The following ATRNL1 variants were observed in gnomAD, a reference collection of about 807,000 sequenced individuals.
The protein encoded by ATRNL1 is attractin like 1, also known as attractin-like protein 1.
In ATRNL1, 95 loss-of-function variants were observed where a neutral mutation model predicts 182.7. That is an observed-to-expected ratio of 0.52 (90% confidence interval 0.44 to 0.62). The LOEUF (loss-of-function observed/expected upper bound fraction) is 0.62. ATRNL1 is among the 20% of genes least tolerant of loss of function. The pLI, the probability that ATRNL1 is intolerant of heterozygous loss-of-function variation, is 0.00. For missense variants in ATRNL1, 1,471 were observed against 1,679.5 expected (o/e 0.88, Z 2.17); for synonymous variants, 576 against 568.3 (o/e 1.01, Z -0.19).
chr10:115,715,194 A>G (rs1375805287), intron 26 of ATRNL1, among the ~76,000 whole-genome samples: 2 of 152,240 alleles, frequency 1.3e-5, no homozygotes, highest in Non-Finnish European at 2.9e-5. Flanking sequence ...TTAGAATTCA[A>G]TAACATATGG....
In ATRNL1 at chr10:115,524,167, C is replaced by G. The variant is rs148285731; in HGVS notation, c.3716+4843C>G. On this transcript the variant is annotated intron_variant, in intron 25 of 28. Coordinates refer to ENST00000355044, the MANE Select transcript of ATRNL1 (RefSeq NM_207303.4). Reference sequence around the variant, plus strand: ...GGGAACATGAGACACAACGATGGCACAAATCCATTTATGATGGATCTACCC... The same window carrying G: ...GGGAACATGAGACACAACGATGGCAGAAATCCATTTATGATGGATCTACCC... Among the ~76,000 whole-genome samples, 753 of 152,244 alleles carry G rather than the reference C, an allele frequency of 4.9e-3. 7 individuals are homozygous for G. The highest frequency in any genetic ancestry group is 0.017 in the African/African-American group (715 of 41,552).
At chr10:115,326,668 A>G (rs1347658419) in intron 18 of ATRNL1, among the ~76,000 whole-genome samples, 4 of 151,818 alleles carry the variant, frequency 2.6e-5, no homozygotes, top group African/African-American at 4.8e-5. Flanking sequence ...GCATCACACT[A>G]CCTGACTTCA....
chr10:115,394,770 T>C lies in ATRNL1; in HGVS notation c.3269+18T>C, dbSNP rs1554955149. On this transcript the variant is annotated intron_variant, in intron 20 of 28. Coordinates refer to ENST00000355044, the MANE Select transcript of ATRNL1 (RefSeq NM_207303.4). ...TGCCAATTGTAAGTAAGAATGACTT[T>C]TTAGAACTTTCGTGGATTGAATTTG... 6.5e-7 allele frequency: 1 copy of C among 1,541,034 alleles called. No individual in the cohort carries two copies. Among genetic ancestry groups the C allele is most frequent in the Non-Finnish European group, 8.8e-7 (1 of 1,133,582 alleles).
intron 10 of ATRNL1, among the ~76,000 whole-genome samples, chr10:115,259,502 G>A (rs377510680): frequency 8.5e-5 from 13 of 152,144 alleles, no homozygotes; most frequent in Non-Finnish European, 1.3e-4. Flanking sequence ...GGAGTGTCCC[G>A]TTTTTCCAGG....
intron 25 of ATRNL1, among the ~76,000 whole-genome samples, chr10:115,521,451 T>C (rs1417788264): frequency 6.6e-6 from 1 of 152,090 alleles, no homozygotes; most frequent in East Asian, 1.9e-4. Flanking sequence ...CCATGCCTGG[T>C]CTAAAAAAAA....
intron 27 of ATRNL1, among the ~76,000 whole-genome samples, chr10:115,729,978 C>A (rs551381495): frequency 6.6e-4 from 100 of 151,922 alleles, no homozygotes; most frequent in African/African-American, 2.4e-3. Flanking sequence ...AACTTTGGGT[C>A]CAGCATGGTG....
chr10:115,748,619 T>C (rs570271014), intron 27 of ATRNL1, among the ~76,000 whole-genome samples: 2 of 151,996 alleles, frequency 1.3e-5, no homozygotes, highest in South Asian at 2.1e-4. Context: ...AATTTCTTTT[T>C]AAATACATTT....
At chr10:115,341,076 G>A (rs1855731948) in intron 19 of ATRNL1, among the ~76,000 whole-genome samples, 1 of 150,560 alleles carries the variant, frequency 6.6e-6, no homozygotes, top group Non-Finnish European at 1.5e-5. Flanking sequence ...TTTGGTTTTG[G>A]TTTGCTCTTC....
At chr10:115,770,374 T>C (rs1274758002) in intron 27 of ATRNL1, among the ~76,000 whole-genome samples, 1 of 152,164 alleles carries the variant, frequency 6.6e-6, no homozygotes, top group Non-Finnish European at 1.5e-5. Flanking sequence ...AAAGGAAATG[T>C]AATCAGTGAT....
intron 27 of ATRNL1, among the ~76,000 whole-genome samples, chr10:115,837,360 A>G (rs1448834566): frequency 6.6e-5 from 10 of 151,932 alleles, no homozygotes; most frequent in African/African-American, 4.8e-5. Context: ...GTCTACTAAC[A>G]TCCTTTCTCT....
chr10:115,163,080 G>C (rs1229608076), intron 6 of ATRNL1, among the ~76,000 whole-genome samples: 1 of 151,558 alleles, frequency 6.6e-6, no homozygotes, highest in Non-Finnish European at 1.5e-5. Context: ...GGACAGTGTG[G>C]TCAAGGGGTT....
chr10:115,330,683 T>TC (rs1248312492), intron 18 of ATRNL1, among the ~76,000 whole-genome samples: 8 of 150,486 alleles, frequency 5.3e-5, no homozygotes, highest in Non-Finnish European at 8.9e-5. Flanking sequence ...TTTTTTTTTT[T>TC]TTTTTTTTCT....
intron 20 of ATRNL1, among the ~76,000 whole-genome samples, chr10:115,424,080 T>C (rs1157755736): frequency 6.6e-6 from 1 of 152,006 alleles, no homozygotes; most frequent in Non-Finnish European, 1.5e-5. Context: ...AAGAACTCAA[T>C]AGCAAAAAAC....
chr10:115,761,466 CT>C (rs1948733662), intron 27 of ATRNL1, among the ~76,000 whole-genome samples: 1 of 5,588 alleles, frequency 1.8e-4, no homozygotes, highest in African/African-American at 2.1e-4. Flanking sequence ...TCATAAATAA[CT>C]TCCCCCCCAG....
Position 115,266,797 on chromosome 10 carries a change from G to T in ATRNL1, c.1773G>T (p.Gly591=). ...RFGHSAVVIN[G]SMYIFGGFSS... ...AAGATTCTTGTTTTGTTTTTAATAG[G>T]TCCATGTATATATTTGGGGGATTTT... The change falls in exon 12 of 29, where the codon GGG becomes GGT. Residue 591 remains glycine, a splice_region_variant and synonymous_variant. Coordinates refer to ENST00000355044, the MANE Select transcript of ATRNL1 (RefSeq NM_207303.4). 6.3e-7 allele frequency: 1 copy of T among 1,588,462 alleles called. No individual in the cohort carries two copies. Among genetic ancestry groups the T allele is most frequent in the South Asian group, 1.1e-5 (1 of 89,022 alleles).
intron 13 of ATRNL1, among the ~76,000 whole-genome samples, chr10:115,280,816 A>G (rs1438663772): frequency 2.0e-5 from 3 of 152,198 alleles, no homozygotes; most frequent in Non-Finnish European, 2.9e-5. Flanking sequence ...TGCAATATCA[A>G]GTCATGTCAG....
At chr10:115,468,900 G>A (rs1848180603) in intron 23 of ATRNL1, among the ~76,000 whole-genome samples, 1 of 150,452 alleles carries the variant, frequency 6.6e-6, no homozygotes, top group Non-Finnish European at 1.5e-5. Flanking sequence ...TAATACTTCT[G>A]GGATATTATT....
At chr10:115,749,123 A>G (rs1555069982) in intron 27 of ATRNL1, among the ~76,000 whole-genome samples, 1 of 151,968 alleles carries the variant, frequency 6.6e-6, no homozygotes, top group Non-Finnish European at 1.5e-5. Context: ...GTATTGCCAA[A>G]CAAACTAGAA....
chr10:115,455,693 C>A (rs575482901), intron 21 of ATRNL1, among the ~76,000 whole-genome samples: 1 of 152,084 alleles, frequency 6.6e-6, no homozygotes, highest in African/African-American at 2.4e-5. Context: ...CCAGAGTGAA[C>A]AGGCAGCCTA....
Sources: allele counts gnomAD v4.1 joint callset (sites outside exome capture counted in the v4.1 genomes callset), GRCh38; gene constraint gnomAD v4.1.1; transcripts MANE v1.5; gene names NCBI Gene and HGNC (gene_info 2026-07-23, HGNC 2026-07-21).